CABIN1: variants seen among roughly 807,000 people sequenced by gnomAD.
The protein encoded by CABIN1 is calcineurin binding protein 1.
In CABIN1, 133 loss-of-function variants were observed where a neutral mutation model predicts 227.7. The ratio of observed to expected loss-of-function variants is 0.58; its 90% CI spans 0.51 to 0.67. CABIN1 has a LOEUF of 0.67. CABIN1 is among the 30% of genes least tolerant of loss of function. CABIN1 has a pLI of 0.00. For synonymous variants in CABIN1, 1,086 were observed against 1,155.1 expected (o/e 0.94, Z 1.21); for missense variants, 2,408 against 2,852.5 (o/e 0.84, Z 3.55).
chr22:24,085,066 C>A lies in CABIN1; in HGVS notation c.3178C>A (p.Leu1060Ile). The A allele has an allele frequency of 6.2e-7, 1 of 1,614,214 alleles. No homozygotes were observed. Among genetic ancestry groups the A allele is most frequent in the Non-Finnish European group, 8.5e-7 (1 of 1,180,040 alleles). The part of the protein sequence containing the change: ...SPPVVNELYY[L>I]LADYHFKNKE... ...TCCAGTGGTGAACGAGCTTTACTAC[C>A]TCCTGGCTGATTATCATTTCAAAAA... is the stretch of plus-strand genomic sequence containing the variant. Residue 1060 changes from leucine (L) to isoleucine (I), a missense_variant, in exon 22 of 37, where the codon CTC becomes ATC. Coordinates refer to ENST00000263119, the MANE Select transcript of CABIN1 (RefSeq NM_012295.4).
Position 24,165,573 on chromosome 22 carries a change from G to A in CABIN1, c.4954G>A (p.Ala1652Thr). 6.2e-7 allele frequency: 1 copy of A among 1,613,240 alleles called. No individual in the cohort carries two copies. The highest frequency in any genetic ancestry group is 8.5e-7 in the Non-Finnish European group (1 of 1,179,992). The change falls in exon 31 of 37, where the codon GCC becomes ACC. Residue 1652 changes from alanine (A) to threonine (T), a missense_variant. By Grantham distance (58) the Ala-to-Thr change is moderately conservative (BLOSUM62 0). This residue lies in a region of CABIN1 where 714 missense variants were observed against 773.8 expected (regional missense o/e 0.92). Coordinates refer to ENST00000263119, the MANE Select transcript of CABIN1 (RefSeq NM_012295.4). ...TGACCGCCAGGTCCTGGCGCAGCGG[G>A]CCTTCATCCTCACTGTGAAGGTGCT... ...DADRQVLAQR[A>T]FILTVKVLED...
intron 23 of CABIN1, among the ~76,000 whole-genome samples, chr22:24,089,620 A>G (rs2041410546): frequency 6.6e-6 from 1 of 152,110 alleles, no homozygotes; most frequent in Non-Finnish European, 1.5e-5. Flanking sequence ...ACCTCTGGAG[A>G]GACAGCTTCC....
At chr22:24,051,498 C>T (rs1221005021) in intron 8 of CABIN1, among the ~76,000 whole-genome samples, 3 of 152,132 alleles carry the variant, frequency 2.0e-5, no homozygotes, top group African/African-American at 4.8e-5. Flanking sequence ...TTGGTATCGG[C>T]GGTTCCCTGG....
chr22:24,141,687 C>T (rs1020181137), intron 29 of CABIN1, among the ~76,000 whole-genome samples: 1 of 152,042 alleles, frequency 6.6e-6, no homozygotes, highest in African/African-American at 2.4e-5. Flanking sequence ...CAGTGTGTGT[C>T]TCCCATGTGA....
intron 16 of CABIN1, among the ~76,000 whole-genome samples, chr22:24,067,489 T>C (rs1471878428): frequency 6.6e-6 from 1 of 152,246 alleles, no homozygotes; most frequent in Non-Finnish European, 1.5e-5. Context: ...CATCCACTTG[T>C]TTATTCATCC....
intron 18 of CABIN1, 22 bp downstream of exon 18, chr22:24,072,532 T>C: frequency 6.2e-7 from 1 of 1,613,878 alleles, no homozygotes; most frequent in Non-Finnish European, 8.5e-7. Context: ...GTGGGTGCAG[T>C]GGGGATGAGC....
chr22:24,019,238 C>T (rs906806155), intron 1 of CABIN1, among the ~76,000 whole-genome samples: 2 of 140,804 alleles, frequency 1.4e-5, no homozygotes, highest in South Asian at 4.6e-4. Context: ...TTAAGTGATT[C>T]TCCTGCCTCA....
chr22:24,137,565 TC>T (rs1405872537), intron 29 of CABIN1, among the ~76,000 whole-genome samples: 5 of 152,222 alleles, frequency 3.3e-5, no homozygotes, highest in Non-Finnish European at 7.3e-5. Flanking sequence ...TTTTGCCACT[TC>T]CAGGACAGTT....
intron 6 of CABIN1, among the ~76,000 whole-genome samples, chr22:24,045,211 A>G (rs762580011): frequency 2.6e-5 from 4 of 152,212 alleles, no homozygotes; most frequent in Non-Finnish European, 4.4e-5. Context: ...GGCGTGAGCC[A>G]CTGCGCCCAG....
At chr22:24,012,226 A>G (rs1033882719) in intron 1 of CABIN1, among the ~76,000 whole-genome samples, 2 of 152,222 alleles carry the variant, frequency 1.3e-5, no homozygotes, top group Non-Finnish European at 2.9e-5. Flanking sequence ...GCCAAAGACA[A>G]TACATAACAG....
At chr22:24,085,649 T>C (rs1274448506) in intron 22 of CABIN1, among the ~76,000 whole-genome samples, 4 of 152,228 alleles carry the variant, frequency 2.6e-5, no homozygotes, top group African/African-American at 4.8e-5. Context: ...ATAGTACATG[T>C]AGAAGAGCTC....
In CABIN1 at chr22:24,036,070, A is replaced by C. The variant is rs1045031648; in HGVS notation, c.4-19A>C. On this transcript the variant is annotated intron_variant, in intron 2 of 36. Coordinates refer to ENST00000263119, the MANE Select transcript of CABIN1 (RefSeq NM_012295.4). The stretch of plus-strand genomic sequence containing the variant: ...CATCTCAAAGCAACTTGTCTCTTCC[A>C]CCAAACCCCTGTTTCTAGATTCGAA... 15 of 1,588,606 alleles carry C rather than the reference A, an allele frequency of 9.4e-6. No homozygotes were observed. The highest frequency in any genetic ancestry group is 6.6e-5 in the South Asian group (6 of 90,588).
chr22:24,029,268 C>A (rs1328068944), intron 1 of CABIN1, among the ~76,000 whole-genome samples: 1 of 152,202 alleles, frequency 6.6e-6, no homozygotes, highest in Non-Finnish European at 1.5e-5. Flanking sequence ...ACATGAGAAT[C>A]ACTTGAACCC....
chr22:24,114,593 C>G (rs987510745), intron 27 of CABIN1, among the ~76,000 whole-genome samples: 1 of 152,196 alleles, frequency 6.6e-6, no homozygotes, highest in Non-Finnish European at 1.5e-5. Flanking sequence ...AGTGTACACC[C>G]TTAACCATTA....
chr22:24,044,765 T>C (rs1271861091), intron 6 of CABIN1, among the ~76,000 whole-genome samples: 1 of 152,200 alleles, frequency 6.6e-6, no homozygotes, highest in Admixed American at 6.5e-5. Context: ...TTTTCTTCAT[T>C]GTCCAATAGC....
chr22:24,086,141 C>T (rs1164364163), intron 22 of CABIN1, among the ~76,000 whole-genome samples: 1 of 152,232 alleles, frequency 6.6e-6, no homozygotes, highest in Non-Finnish European at 1.5e-5. Context: ...AGCCATGTGG[C>T]AGAGCCCTGG....
chr22:24,105,551 A>T (rs1292576835), intron 26 of CABIN1, among the ~76,000 whole-genome samples: 1 of 152,098 alleles, frequency 6.6e-6, no homozygotes, highest in Non-Finnish European at 1.5e-5. Flanking sequence ...TCCCTAAAGA[A>T]ATCAGCTCTC....
chr22:24,070,912 A>G lies in CABIN1; in HGVS notation c.2345A>G (p.Glu782Gly). The change falls in exon 17 of 37, where the codon GAG (glutamate) becomes GGG (glycine). Residue 782 changes from glutamate to glycine, a missense_variant. By Grantham distance (98) the Glu-to-Gly change is moderately conservative (BLOSUM62 -2). Around this residue, in one of 3 missense-constraint regions of CABIN1, gnomAD observed 1,045 missense variants for 1,168.4 expected, o/e 0.89. Coordinates refer to ENST00000263119, the MANE Select transcript of CABIN1 (RefSeq NM_012295.4). ...TCAGGTGAGGCTGCCGCCAAGGAGG[A>G]GTGGGTGGCCACAGTGACCCAACTG... The part of the protein sequence containing the change: ...VNSGEAAAKE[E>G]WVATVTQLLM... 1 of 1,614,220 alleles carries G rather than the reference A, an allele frequency of 6.2e-7. No homozygotes were observed. The highest frequency in any genetic ancestry group is 8.5e-7 in the Non-Finnish European group (1 of 1,180,044).
intron 17 of CABIN1, among the ~76,000 whole-genome samples, chr22:24,071,362 G>C (rs1243999500): frequency 6.6e-6 from 1 of 152,120 alleles, no homozygotes; most frequent in Non-Finnish European, 1.5e-5. Flanking sequence ...AGGCAGAATG[G>C]GGGCCAGAGC....
Sources: gnomAD v4.1 joint callset for allele counts (sites outside exome capture counted in the v4.1 genomes callset) on GRCh38, gnomAD v4.1.1 for gene constraint, gnomAD v4.1.1 regional missense constraint, MANE v1.5 for transcripts, NCBI Gene and HGNC (gene_info 2026-07-23, HGNC 2026-07-21) for gene names.